PRKG1: variants seen among roughly 807,000 people sequenced by gnomAD.
The protein encoded by PRKG1 is cGMP-dependent protein kinase 1.
A neutral mutation model predicts 88.1 loss-of-function variants in PRKG1; 35 were observed. The observed-to-expected ratio is 0.40, with a 90% CI of 0.30 to 0.53. The LOEUF (loss-of-function observed/expected upper bound fraction) is 0.53, where lower values mean the gene tolerates loss of function less well. PRKG1 is among the 20% of genes least tolerant of loss of function. The pLI is 0.59. For missense variants in PRKG1, 540 were observed against 839.8 expected (o/e 0.64, Z 4.41); for synonymous variants, 303 against 292.5 (o/e 1.04, Z -0.37).
chr10:52,251,481 C>G, intron 9 of PRKG1, 89 bp from the exon 10 acceptor site: 1 of 1,003,424 alleles, frequency 1.0e-6, no homozygotes, highest in Non-Finnish European at 1.6e-6. Flanking sequence ...AAACCCTGTT[C>G]CACAGTCATG....
intron 5 of PRKG1, among the ~76,000 whole-genome samples, chr10:51,936,181 G>T (rs1842796459): frequency 6.6e-6 from 1 of 151,864 alleles, no homozygotes; most frequent in Non-Finnish European, 1.5e-5. Flanking sequence ...TCTAGTGTGG[G>T]CTGGGGGTTA....
chr10:51,747,607 G>T (rs7898337), intron 3 of PRKG1, among the ~76,000 whole-genome samples: 3 of 152,030 alleles, frequency 2.0e-5, no homozygotes, highest in Admixed American at 6.6e-5. Context: ...ACACCAGGTG[G>T]TTAGCAACAT....
At chr10:51,228,401 A>C (rs1316167241) in intron 2 of PRKG1, among the ~76,000 whole-genome samples, 1 of 152,170 alleles carries the variant, frequency 6.6e-6, no homozygotes, top group Admixed American at 6.5e-5. Context: ...GACTACTTGT[A>C]CTGGTTATGC....
rs1488275696 is a variant in PRKG1 at position 52,292,084 on chromosome 10, C to G, written c.1963-1718C>G. ...CTTTTGAGAAGTGTCGGTTCATGTC[C>G]TTGGCCCACTTTTTGATGGGGTTGT... On this transcript the variant is annotated intron_variant, in intron 17 of 17. Coordinates refer to ENST00000373980, the MANE Select transcript of PRKG1 (RefSeq NM_006258.4). Among the ~76,000 whole-genome samples, 3 of 152,118 alleles carry G rather than the reference C, an allele frequency of 2.0e-5. No individual in the cohort carries two copies. In the East Asian group the frequency reaches 5.8e-4, roughly 29 times the overall value.
At chr10:52,239,400 T>A (rs1486853973) in intron 9 of PRKG1, among the ~76,000 whole-genome samples, 2 of 149,070 alleles carry the variant, frequency 1.3e-5, no homozygotes, top group African/African-American at 4.9e-5. Context: ...GGTTATGGTT[T>A]TTACTGAAAT....
At chr10:51,608,737 A>G (rs1314057439) in intron 3 of PRKG1, among the ~76,000 whole-genome samples, 1 of 152,180 alleles carries the variant, frequency 6.6e-6, no homozygotes, top group African/African-American at 2.4e-5. Context: ...ATTTCTGTTA[A>G]CCTTGTGAGG....
intron 9 of PRKG1, among the ~76,000 whole-genome samples, chr10:52,207,139 CAT>C (rs1377715393): frequency 6.6e-6 from 1 of 152,182 alleles, no homozygotes; most frequent in African/African-American, 2.4e-5. Context: ...TGCATGCACA[CAT>C]GTGTGCCAGC....
At chr10:52,133,967 G>T in intron 8 of PRKG1, 62 bp downstream of exon 8, 1 of 1,250,504 alleles carries the variant, frequency 8.0e-7, no homozygotes, top group Non-Finnish European at 1.2e-6. Flanking sequence ...ATGAGTTCTT[G>T]GAATTAGACA....
At chr10:51,352,232 T>A (rs1842265071) in intron 2 of PRKG1, among the ~76,000 whole-genome samples, 1 of 151,260 alleles carries the variant, frequency 6.6e-6, no homozygotes, top group Non-Finnish European at 1.5e-5. Flanking sequence ...TGCAGGCCCT[T>A]TTTTGGTTCC....
intron 3 of PRKG1, among the ~76,000 whole-genome samples, chr10:51,572,964 C>A (rs1373264338): frequency 6.6e-6 from 1 of 151,810 alleles, no homozygotes; most frequent in Non-Finnish European, 1.5e-5. Flanking sequence ...CTTAAAACAA[C>A]TGTCAGACTC....
At chr10:52,131,209 C>T (rs953442659) in intron 7 of PRKG1, among the ~76,000 whole-genome samples, 4 of 152,120 alleles carry the variant, frequency 2.6e-5, no homozygotes, top group African/African-American at 9.7e-5. Flanking sequence ...ATGTGTGAGG[C>T]ATTTGGGATG....
At chr10:51,828,654 A>T (rs1292239846) in intron 4 of PRKG1, among the ~76,000 whole-genome samples, 7 of 152,178 alleles carry the variant, frequency 4.6e-5, no homozygotes. Flanking sequence ...TTTTGTTCTA[A>T]TGAAGGCTTT....
At chr10:51,668,543 T>C (rs1339441846) in intron 3 of PRKG1, among the ~76,000 whole-genome samples, 1 of 152,162 alleles carries the variant, frequency 6.6e-6, no homozygotes, top group Non-Finnish European at 1.5e-5. Context: ...GCCCTTTTTT[T>C]CCAACTGCAG....
intron 4 of PRKG1, among the ~76,000 whole-genome samples, chr10:51,872,725 T>C (rs530271234): frequency 2.0e-5 from 3 of 152,146 alleles, no homozygotes; most frequent in Non-Finnish European, 4.4e-5. Flanking sequence ...TCATTAATCA[T>C]TGTATTCCTC....
chr10:51,471,681 G>C (rs1174064419), intron 3 of PRKG1, among the ~76,000 whole-genome samples: 3 of 151,890 alleles, frequency 2.0e-5, no homozygotes, highest in African/African-American at 4.8e-5. Flanking sequence ...GTTGAACTCA[G>C]AGTACTTTTG....
chr10:52,250,699 A>G (rs1841147929), intron 9 of PRKG1, among the ~76,000 whole-genome samples: 1 of 152,160 alleles, frequency 6.6e-6, no homozygotes, highest in South Asian at 2.1e-4. Context: ...GATCATCTTC[A>G]TCTTTATGCC....
chr10:52,002,773 C>T (rs1486803722), intron 5 of PRKG1, among the ~76,000 whole-genome samples: 6 of 152,128 alleles, frequency 3.9e-5, no homozygotes, highest in Non-Finnish European at 8.8e-5. Context: ...ACTAAAAACA[C>T]TATGAAAGAT....
intron 3 of PRKG1, among the ~76,000 whole-genome samples, chr10:51,557,437 G>C (rs979897580): frequency 2.0e-5 from 3 of 151,818 alleles, no homozygotes; most frequent in Non-Finnish European, 4.4e-5. Flanking sequence ...GTGATAGAAA[G>C]AGAGGCTGAA....
At chr10:51,408,818 A>G (rs902085382) in intron 2 of PRKG1, among the ~76,000 whole-genome samples, 1 of 152,192 alleles carries the variant, frequency 6.6e-6, no homozygotes, top group African/African-American at 2.4e-5. Flanking sequence ...AGAATGGTTC[A>G]TCTTATCCAC....
Sources: allele counts gnomAD v4.1 joint callset (sites outside exome capture counted in the v4.1 genomes callset), GRCh38; gene constraint gnomAD v4.1.1; transcripts MANE v1.5; gene names NCBI Gene and HGNC (gene_info 2026-07-23, HGNC 2026-07-21).